PTPRM: variants seen among roughly 807,000 people sequenced by gnomAD.
PTPRM encodes protein tyrosine phosphatase receptor type M.
PTPRM carries 47 observed loss-of-function variants against 186.7 expected under a neutral mutation model. The observed-to-expected ratio is 0.25, with a 90% confidence interval of 0.20 to 0.32. PTPRM has a LOEUF of 0.32. Ranked by LOEUF, PTPRM falls within the 10% of genes least tolerant of loss-of-function variation. The pLI, the probability that PTPRM is intolerant of heterozygous loss-of-function variation, is 1.00. For synonymous variants in PTPRM, 668 were observed against 674.9 expected (o/e 0.99, Z 0.16); for missense variants, 1,494 against 1,865.0 (o/e 0.80, Z 3.66).
intron 1 of PTPRM, among the ~76,000 whole-genome samples, chr18:7,689,338 G>A (rs989523215): frequency 6.6e-6 from 1 of 152,180 alleles, no homozygotes; most frequent in Non-Finnish European, 1.5e-5. Flanking sequence ...GGCTCAAAGG[G>A]CTGGAAAGGT....
rs375079626 is a variant in PTPRM at position 7,767,701 on chromosome 18, A to C, written c.74-6448A>C. Reference sequence around the variant, plus strand: ...TTATCAACAACTAGCCTTGCTGTCTAATAATTGCCAGGAAAAAAAAAGAAA... The same window carrying C: ...TTATCAACAACTAGCCTTGCTGTCTCATAATTGCCAGGAAAAAAAAAGAAA... On this transcript the variant is annotated intron_variant, in intron 1 of 32. Coordinates refer to ENST00000580170, the MANE Select transcript of PTPRM (RefSeq NM_001105244.2). Among the ~76,000 whole-genome samples the C allele has an allele frequency of 1.2e-4, 19 of 152,354 alleles. No individual in the cohort carries two copies. In the East Asian group the frequency reaches 2.7e-3, roughly 22 times the overall value.
At chr18:7,684,747 C>T (rs983439275) in intron 1 of PTPRM, among the ~76,000 whole-genome samples, 10 of 152,118 alleles carry the variant, frequency 6.6e-5, no homozygotes, top group Admixed American at 1.3e-4. Context: ...ATTAATCTGT[C>T]CATGGACATT....
intron 1 of PTPRM, among the ~76,000 whole-genome samples, chr18:7,707,727 A>T (rs1045629684): frequency 1.3e-5 from 2 of 152,226 alleles, no homozygotes; most frequent in Non-Finnish European, 2.9e-5. Flanking sequence ...GAGTTTAGGG[A>T]GAGAAGCAGA....
chr18:7,575,750 C>A (rs951665581), intron 1 of PTPRM, among the ~76,000 whole-genome samples: 8 of 152,092 alleles, frequency 5.3e-5, no homozygotes, highest in Non-Finnish European at 8.8e-5. Flanking sequence ...CATGGCTTGT[C>A]TGTACTTTTC....
intron 1 of PTPRM, among the ~76,000 whole-genome samples, chr18:7,618,115 C>T (rs986166570): frequency 1.3e-5 from 2 of 152,142 alleles, no homozygotes; most frequent in African/African-American, 4.8e-5. Context: ...TCACATGCAA[C>T]TTGTTAAATA....
chr18:7,963,280 A>G (rs939485528), intron 7 of PTPRM, among the ~76,000 whole-genome samples: 4 of 152,222 alleles, frequency 2.6e-5, no homozygotes, highest in African/African-American at 9.6e-5. Context: ...TCTGTAATTA[A>G]TACCTAAACC....
chr18:7,883,009 A>G (rs1482990645), intron 2 of PTPRM, among the ~76,000 whole-genome samples: 2 of 152,188 alleles, frequency 1.3e-5, no homozygotes, highest in Non-Finnish European at 2.9e-5. Context: ...TTTTGGGGAA[A>G]CCAAAATAAT....
intron 3 of PTPRM, among the ~76,000 whole-genome samples, chr18:7,888,852 C>T (rs546783635): frequency 6.6e-5 from 10 of 151,962 alleles, no homozygotes; most frequent in South Asian, 2.1e-4. Context: ...TTATCCCAAG[C>T]GAATTAATGC....
chr18:8,021,354 A>ACACG (rs1169689154), intron 7 of PTPRM, among the ~76,000 whole-genome samples: 1 of 148,668 alleles, frequency 6.7e-6, no homozygotes, highest in East Asian at 2.0e-4. Flanking sequence ...ACACACACAC[A>ACACG]CACACATATA....
At chr18:8,135,619 A>G (rs1436524888) in intron 13 of PTPRM, among the ~76,000 whole-genome samples, 2 of 152,208 alleles carry the variant, frequency 1.3e-5, no homozygotes, top group Non-Finnish European at 2.9e-5. Flanking sequence ...CAACGCCACA[A>G]TAAATATAAG....
intron 7 of PTPRM, among the ~76,000 whole-genome samples, chr18:7,997,081 C>G (rs1368566281): frequency 6.6e-6 from 1 of 151,970 alleles, no homozygotes; most frequent in Admixed American, 6.6e-5. Context: ...CCTGAATAAC[C>G]AGAGCAATCT....
In PTPRM at chr18:8,404,230, T is replaced by C. The variant is rs1016219664; in HGVS notation, c.4345-1879T>C. 5 of 152,262 alleles carry C rather than the reference T, an allele frequency of 3.3e-5. No homozygotes were observed. The South Asian group carries it at 1.0e-3, about 31-fold the overall frequency. The allele number at this position is 152,262 out of a possible 1,614,324, so 9.4% of individuals were successfully genotyped here. ...GCTAACACCTGCGATTTTCTTGTTA[T>C]GTGAGCCTTCTCGTGAATGTTATTC... On this transcript the variant is annotated intron_variant, in intron 32 of 32. Coordinates refer to ENST00000580170, the MANE Select transcript of PTPRM (RefSeq NM_001105244.2).
At chr18:8,084,695 C>T (rs1227411547) in intron 9 of PTPRM, among the ~76,000 whole-genome samples, 3 of 152,132 alleles carry the variant, frequency 2.0e-5, no homozygotes, top group African/African-American at 7.2e-5. Flanking sequence ...GAAAAGTGCT[C>T]AGTTTTGCAA....
chr18:8,325,439 T>C (rs11876223), intron 22 of PTPRM, among the ~76,000 whole-genome samples: 1,708 of 152,304 alleles, frequency 0.011, 11 homozygotes, highest in African/African-American at 0.022. Context: ...TTCCTGCGAT[T>C]GGTCAGTTAG....
chr18:7,681,338 AAG>A (rs1355938238), intron 1 of PTPRM, among the ~76,000 whole-genome samples: 1 of 152,186 alleles, frequency 6.6e-6, no homozygotes, highest in East Asian at 1.9e-4. Flanking sequence ...ATAGCTTGCC[AAG>A]ATCAAGCATG....
At chr18:7,811,828 A>G (rs2044535696) in intron 2 of PTPRM, among the ~76,000 whole-genome samples, 1 of 152,128 alleles carries the variant, frequency 6.6e-6, no homozygotes, top group African/African-American at 2.4e-5. Flanking sequence ...ATTATAATCT[A>G]TATTCTGAAC....
At chr18:7,801,556 T>C (rs1460179450) in intron 2 of PTPRM, among the ~76,000 whole-genome samples, 2 of 152,220 alleles carry the variant, frequency 1.3e-5, no homozygotes, top group Admixed American at 1.3e-4. Context: ...GAGTACACTC[T>C]AAAATAACAA....
At chr18:8,225,406 A>G (rs2094201770) in intron 14 of PTPRM, among the ~76,000 whole-genome samples, 2 of 151,256 alleles carry the variant, frequency 1.3e-5, no homozygotes, top group Admixed American at 6.6e-5. Context: ...TTTTTTTAAC[A>G]TAACCCCAAA....
At chr18:8,275,435 T>C (rs1231349384) in intron 19 of PTPRM, among the ~76,000 whole-genome samples, 1 of 151,942 alleles carries the variant, frequency 6.6e-6, no homozygotes, top group African/African-American at 2.4e-5. Flanking sequence ...TAGAGTAAGA[T>C]TCTGTAAAAA....
Sources: allele counts gnomAD v4.1 joint callset (sites outside exome capture counted in the v4.1 genomes callset), GRCh38; gene constraint gnomAD v4.1.1; transcripts MANE v1.5; gene names NCBI Gene and HGNC (gene_info 2026-07-23, HGNC 2026-07-21).